The following HOMER1 variants were observed in gnomAD, a reference collection of about 807,000 sequenced individuals.
The protein encoded by HOMER1 is homer scaffold protein 1.
A neutral mutation model predicts 48.9 loss-of-function variants in HOMER1; 3 were observed. The ratio of observed to expected loss-of-function variants is 0.06; its 90% confidence interval spans 0.03 to 0.16. The LOEUF (loss-of-function observed/expected upper bound fraction) is 0.16, where lower values mean the gene tolerates loss of function less well. HOMER1 is among the 10% of genes least tolerant of loss of function. The pLI is 1.00. For synonymous variants in HOMER1, 134 were observed against 146.4 expected, an observed-to-expected ratio of 0.92 and a Z score of 0.61; for missense variants, 247 against 411.4, an observed-to-expected ratio of 0.60 and a Z score of 3.46.
Position 79,451,398 on chromosome 5 carries a change from G to T in HOMER1, c.163-277C>A, listed in dbSNP as rs1580459236. On this transcript the variant is annotated intron_variant, in intron 2 of 8. Transcript: ENST00000334082. ...AAAAGTGTCAAAGAGTTTTTAATAT[G>T]GTCAGTTTTTTCCTTTTGAATGTTT... Among the ~76,000 whole-genome samples the T allele has an allele frequency of 3.3e-5, 5 of 151,808 alleles. 1 individual carries two copies.
intron 5 of HOMER1, among the ~76,000 whole-genome samples, chr5:79,434,692 A>C (rs182892312): frequency 6.6e-6 from 1 of 152,308 alleles, no homozygotes; most frequent in East Asian, 1.9e-4. Flanking sequence ...AAGTACACTA[A>C]AACAGTATTA....
At chr5:79,438,876 T>TA (rs78093840) in intron 5 of HOMER1, 134 bp downstream of exon 5, 48,986 of 486,526 alleles carry the variant, frequency 0.1, 1,934 homozygotes, top group African/African-American at 0.33. Flanking sequence ...ACAGAAGCAG[T>TA]AAAAAAAAAA....
intron 1 of HOMER1, among the ~76,000 whole-genome samples, chr5:79,461,676 G>T (rs1161296438): frequency 2.0e-5 from 3 of 152,080 alleles, no homozygotes; most frequent in Admixed American, 2.0e-4. Flanking sequence ...ATGGCTATGA[G>T]AATCAAAAGA....
At chr5:79,393,164 G>C (rs191434393) in intron 8 of HOMER1, among the ~76,000 whole-genome samples, 19 of 152,142 alleles carry the variant, frequency 1.2e-4, no homozygotes, top group African/African-American at 3.9e-4. Context: ...AACACTGCCT[G>C]TTCCCAAAAA....
chr5:79,439,596 G>C (rs116083944), intron 4 of HOMER1, among the ~76,000 whole-genome samples: 4 of 152,010 alleles, frequency 2.6e-5, no homozygotes, highest in Admixed American at 2.0e-4. Context: ...GATGAGGAGA[G>C]GGGGAGGGCA....
Position 79,372,786 on chromosome 5 carries a change from C to G in HOMER1, c.*3223G>C, listed in dbSNP as rs1748669862. 6.6e-6 allele frequency: 1 copy of G among 152,078 alleles called. No individual in the cohort carries two copies. Among genetic ancestry groups the G allele is most frequent in the Admixed American group, 6.6e-5 (1 of 15,262 alleles). The allele number at this position is 152,078 out of a possible 1,614,324, so 9.4% of individuals were successfully genotyped here. A position where few individuals can be genotyped will look rare whatever the true frequency, so the allele number is the denominator to read the frequency against. ...TTCAGTTAAATAAAAACATGGGAGACTGTAGCCCACATGTTAAAGAATACA... is the reference window on the plus strand; with the variant it reads ...TTCAGTTAAATAAAAACATGGGAGAGTGTAGCCCACATGTTAAAGAATACA... On this transcript the variant is annotated 3_prime_UTR_variant, in exon 9 of 9. Coordinates refer to ENST00000334082, the MANE Select transcript of HOMER1 (RefSeq NM_004272.5).
chr5:79,458,010 A>T (rs1259058675), intron 1 of HOMER1, among the ~76,000 whole-genome samples: 1 of 152,224 alleles, frequency 6.6e-6, no homozygotes, highest in Non-Finnish European at 1.5e-5. Flanking sequence ...ACATACATTC[A>T]CTATAATCGC....
At chr5:79,490,526 AAAT>A (rs1263148581) in intron 1 of HOMER1, among the ~76,000 whole-genome samples, 1 of 152,210 alleles carries the variant, frequency 6.6e-6, no homozygotes, top group Non-Finnish European at 1.5e-5. Flanking sequence ...TACTCATCAT[AAAT>A]AATATTTAAA....
intron 5 of HOMER1, among the ~76,000 whole-genome samples, chr5:79,427,729 CCCTTCCTTCCTTT>C (rs1453131036): frequency 1.8e-4 from 21 of 119,022 alleles, no homozygotes; most frequent in South Asian, 6.2e-4. Context: ...TTCCTTCCTT[CCCTTCCTTCCTTT>C]CCTTCCTTCC....
At chr5:79,492,230 A>G in intron 1 of HOMER1, among the ~76,000 whole-genome samples, 1 of 152,174 alleles carries the variant, frequency 6.6e-6, no homozygotes, top group Non-Finnish European at 1.5e-5. Context: ...TTCCATCATC[A>G]TGAAAGTGCC....
At chr5:79,412,357 T>G (rs948965274) in intron 5 of HOMER1, among the ~76,000 whole-genome samples, 3 of 152,206 alleles carry the variant, frequency 2.0e-5, no homozygotes, top group Non-Finnish European at 4.4e-5. Flanking sequence ...TAAAAAATAC[T>G]TGGAACATTG....
At chr5:79,511,723 A>T (rs1254310139) in intron 1 of HOMER1, among the ~76,000 whole-genome samples, 2 of 152,248 alleles carry the variant, frequency 1.3e-5, no homozygotes, top group African/African-American at 4.8e-5. Context: ...TATGCATGTT[A>T]AACTTCAAAT....
chr5:79,468,807 C>T (rs1198594031), intron 1 of HOMER1, among the ~76,000 whole-genome samples: 1 of 152,208 alleles, frequency 6.6e-6, no homozygotes, highest in Non-Finnish European at 1.5e-5. Context: ...CTACACTCTC[C>T]TAACATTTGG....
intron 5 of HOMER1, among the ~76,000 whole-genome samples, chr5:79,418,271 A>G (rs1749998489): frequency 6.6e-6 from 1 of 152,226 alleles, no homozygotes; most frequent in Non-Finnish European, 1.5e-5. Flanking sequence ...CAGAATCAAT[A>G]ATAGCTTAGT....
At chr5:79,388,545 C>T (rs563891899) in intron 8 of HOMER1, among the ~76,000 whole-genome samples, 1 of 152,020 alleles carries the variant, frequency 6.6e-6, no homozygotes, top group Non-Finnish European at 1.5e-5. Context: ...CTCAATATTC[C>T]ACTCTGAACT....
chr5:79,388,015 G>A (rs2112200792), intron 8 of HOMER1, among the ~76,000 whole-genome samples: 1 of 152,284 alleles, frequency 6.6e-6, no homozygotes. Context: ...CAGAGTTGTG[G>A]GGGCAATGCC....
intron 8 of HOMER1, among the ~76,000 whole-genome samples, chr5:79,383,603 C>G (rs902297452): frequency 1.3e-5 from 2 of 152,084 alleles, no homozygotes; most frequent in Non-Finnish European, 1.5e-5. Flanking sequence ...CCAGGCTGGT[C>G]TCGAACTCCT....
chr5:79,428,995 G>A (rs1253669304), intron 5 of HOMER1, among the ~76,000 whole-genome samples: 1 of 152,158 alleles, frequency 6.6e-6, no homozygotes, highest in African/African-American at 2.4e-5. Flanking sequence ...GTACTGAGGA[G>A]TCAAAACAAT....
chr5:79,473,960 GTTA>G (rs1242262684), intron 1 of HOMER1, among the ~76,000 whole-genome samples: 7 of 152,092 alleles, frequency 4.6e-5, no homozygotes, highest in Middle Eastern at 3.4e-3. Context: ...ACTCTTTTCT[GTTA>G]TTTAGGTACT....
Sources: allele counts gnomAD v4.1 joint callset (sites outside exome capture counted in the v4.1 genomes callset), GRCh38; gene constraint gnomAD v4.1.1; transcripts MANE v1.5; gene names NCBI Gene and HGNC (gene_info 2026-07-23, HGNC 2026-07-21).